Variants in KANK1 observed in about 807,000 individuals in gnomAD.
KANK1 encodes the protein KN motif and ankyrin repeat domains 1.
Under a neutral mutation model 106.2 loss-of-function variants are expected in KANK1, and 109 were observed. The observed-to-expected ratio is 1.03, with a 90% CI of 0.88 to 1.20. KANK1 has a LOEUF of 1.20. Among genes scored for constraint, KANK1 ranks in the 50% most tolerant of loss-of-function variants. The pLI, the probability that KANK1 is intolerant of heterozygous loss-of-function variation, is 0.00. For synonymous variants in KANK1, 873 were observed against 652.2 expected, an observed-to-expected ratio of 1.34 and a Z score of -5.16; for missense variants, 2,399 against 1,710.7, an observed-to-expected ratio of 1.40 and a Z score of -7.10.
intron 1 of KANK1, among the ~76,000 whole-genome samples, chr9:535,813 C>G (rs2060272010): frequency 1.3e-5 from 2 of 152,198 alleles, no homozygotes; most frequent in Admixed American, 6.5e-5. Flanking sequence ...AAGCAGTCTT[C>G]TGGGTCCTCA....
At chr9:662,653 A>G (rs1485883200) in intron 1 of KANK1, among the ~76,000 whole-genome samples, 2 of 137,722 alleles carry the variant, frequency 1.5e-5, no homozygotes, top group African/African-American at 5.5e-5. Context: ...CTTACACCTT[A>G]TACAAAAGTT....
intron 1 of KANK1, among the ~76,000 whole-genome samples, chr9:532,626 T>A (rs572214710): frequency 6.6e-6 from 1 of 152,222 alleles, no homozygotes; most frequent in Admixed American, 6.5e-5. Flanking sequence ...CTCAGAAGCT[T>A]AACATTCCTT....
At chr9:503,880 C>A (rs1468773487), upstream of KANK1, among the ~76,000 whole-genome samples, 1 of 152,210 alleles carries the variant, frequency 6.6e-6, no homozygotes, top group African/African-American at 2.4e-5. Context: ...TCCTGAGCCC[C>A]CGAGGCAGGC....
intron 2 of KANK1, among the ~76,000 whole-genome samples, chr9:691,611 A>ATTTTTTTCTTT (rs1554684788): frequency 5.6e-5 from 4 of 71,082 alleles, no homozygotes; most frequent in Admixed American, 1.8e-4. Context: ...TAATACCAGA[A>ATTTTTTTCTTT]TTTTTTTTTT....
chr9:658,480 A>G (rs1461702305), intron 1 of KANK1, among the ~76,000 whole-genome samples: 1 of 151,902 alleles, frequency 6.6e-6, no homozygotes, highest in Non-Finnish European at 1.5e-5. Context: ...AGAAAAAAAA[A>G]GATTGTAATT....
chr9:601,829 C>G (rs1479140973), intron 1 of KANK1, among the ~76,000 whole-genome samples: 1 of 151,816 alleles, frequency 6.6e-6, no homozygotes, highest in Non-Finnish European at 1.5e-5. Flanking sequence ...TTTCCTTGCC[C>G]TACTTTTGGA....
intron 1 of KANK1, among the ~76,000 whole-genome samples, chr9:506,071 T>C (rs1055093202): frequency 1.3e-5 from 2 of 152,218 alleles, no homozygotes; most frequent in African/African-American, 4.8e-5. Flanking sequence ...TCAGTGGTTT[T>C]TAATATATCC....
intron 3 of KANK1, among the ~76,000 whole-genome samples, chr9:718,372 G>C (rs887696950): frequency 1.4e-5 from 2 of 146,446 alleles, no homozygotes; most frequent in African/African-American, 5.1e-5. Context: ...GAGTGCAGTG[G>C]CATGATCACA....
chr9:671,573 G>T (rs62530119), intron 1 of KANK1, among the ~76,000 whole-genome samples: 15,534 of 129,122 alleles, frequency 0.12, 1,268 homozygotes, highest in Admixed American at 0.15. Context: ...CCGAGATGGC[G>T]CCACTGTGCT....
intron 1 of KANK1, among the ~76,000 whole-genome samples, chr9:583,522 GCTTAATATTAGTATC>G (rs1010404472): frequency 2.0e-5 from 3 of 151,982 alleles, no homozygotes; most frequent in African/African-American, 7.2e-5. Context: ...ACATGACAAA[GCTTAATATTAGTATC>G]CTTCTATGAA....
At chr9:482,481 C>G (rs966358804) in intron 3 of KANK1, among the ~76,000 whole-genome samples, 1 of 152,172 alleles carries the variant, frequency 6.6e-6, no homozygotes, top group African/African-American at 2.4e-5. Flanking sequence ...CCAACTCAAC[C>G]TCCAAAATGG....
intron 1 of KANK1, among the ~76,000 whole-genome samples, chr9:567,985 G>C (rs1818228393): frequency 6.7e-6 from 1 of 150,264 alleles, no homozygotes; most frequent in Non-Finnish European, 1.5e-5. Flanking sequence ...TCAACGCTTG[G>C]CATTGTTGGT....
intron 1 of KANK1, among the ~76,000 whole-genome samples, chr9:596,231 A>G (rs1295291236): frequency 6.6e-6 from 1 of 151,834 alleles, no homozygotes; most frequent in Non-Finnish European, 1.5e-5. Context: ...TCTATTTCAG[A>G]TTTTTGGATT....
At chr9:572,931 G>A (rs1170703034) in intron 1 of KANK1, among the ~76,000 whole-genome samples, 1 of 152,132 alleles carries the variant, frequency 6.6e-6, no homozygotes, top group African/African-American at 2.4e-5. Flanking sequence ...TTCATACTTT[G>A]CAGTCTCATT....
intron 7 of KANK1, among the ~76,000 whole-genome samples, chr9:737,938 C>A (rs1159890319): frequency 2.0e-5 from 3 of 152,134 alleles, no homozygotes; most frequent in Non-Finnish European, 4.4e-5. Context: ...TGGTATTATC[C>A]AGTTTTTCAG....
intron 1 of KANK1, among the ~76,000 whole-genome samples, chr9:637,563 G>T (rs1837444926): frequency 6.6e-6 from 1 of 152,170 alleles, no homozygotes. Context: ...CTGGGGTGAA[G>T]CCTGAGAATT....
At chr9:704,419 G>A (rs972694051) in intron 2 of KANK1, among the ~76,000 whole-genome samples, 25 of 152,270 alleles carry the variant, frequency 1.6e-4, no homozygotes, top group African/African-American at 5.8e-4. Context: ...GCAGCAGGAT[G>A]GAGGAAGGCA....
intron 3 of KANK1, among the ~76,000 whole-genome samples, chr9:726,901 A>G (rs10758844): frequency 0.43 from 65,639 of 152,096 alleles, 14,228 homozygotes; most frequent in South Asian, 0.51. Context: ...CAGAGGTTGC[A>G]GTGAGCCAGG....
rs978543258 is a variant in KANK1, at chr9:518,109, C to T, written c.-84+13355C>T. 2.6e-5 allele frequency among the ~76,000 whole-genome samples: 4 copies of T among 151,848 alleles called. No homozygotes were observed. The South Asian group carries it at 8.3e-4, about 31-fold the overall frequency. On this transcript the variant is annotated intron_variant, in intron 1 of 11. Transcript: ENST00000382297. ...CTTAGTACTGTGGAAAAAAGTGTCA[C>T]TCTTTCCTGCTCTGTCAACTTTGAT... is the stretch of plus-strand genomic sequence containing the variant.
Sources: allele counts gnomAD v4.1 joint callset (sites outside exome capture counted in the v4.1 genomes callset), GRCh38; gene constraint gnomAD v4.1.1; transcripts MANE v1.5; gene names NCBI Gene and HGNC (gene_info 2026-07-23, HGNC 2026-07-21).